Variants in SGCD observed in about 807,000 individuals in gnomAD.
SGCD encodes delta-sarcoglycan.
Under a neutral mutation model 36.6 loss-of-function variants are expected in SGCD, and 18 were observed. The observed-to-expected ratio is 0.49, with a 90% CI of 0.34 to 0.73. The LOEUF (loss-of-function observed/expected upper bound fraction) is 0.73. Among genes scored for constraint, SGCD ranks in the 30% least tolerant of loss-of-function variants. SGCD has a pLI of 0.01. For synonymous variants in SGCD, 133 were observed against 130.6 expected (o/e 1.02, Z -0.12); for missense variants, 387 against 346.7 (o/e 1.12, Z -0.92).
intron 3 of SGCD, among the ~76,000 whole-genome samples, chr5:156,148,207 A>T (rs749924564): frequency 6.6e-6 from 1 of 152,226 alleles, no homozygotes; most frequent in Non-Finnish European, 1.5e-5. Context: ...TCATGTTTCA[A>T]ATAAAAAGTA....
intron 1 of SGCD, among the ~76,000 whole-genome samples, chr5:155,888,353 G>A (rs1316092296): frequency 6.6e-6 from 1 of 152,132 alleles, no homozygotes; most frequent in Non-Finnish European, 1.5e-5. Flanking sequence ...CTGCTGTCCA[G>A]TATTCTCATG....
intron 7 of SGCD, among the ~76,000 whole-genome samples, chr5:156,748,167 A>T (rs1439719180): frequency 3.9e-5 from 6 of 152,214 alleles, no homozygotes; most frequent in Admixed American, 2.6e-4. Flanking sequence ...AAAAACAAGC[A>T]AGATTTATCT....
At chr5:156,310,749 G>C (rs1767371905) in intron 3 of SGCD, among the ~76,000 whole-genome samples, 2 of 152,168 alleles carry the variant, frequency 1.3e-5, no homozygotes, top group Admixed American at 1.3e-4. Flanking sequence ...ATATGTTTCA[G>C]ACACTTACTA....
intron 3 of SGCD, among the ~76,000 whole-genome samples, chr5:156,320,049 C>A (rs975353338): frequency 3.3e-5 from 5 of 151,414 alleles, no homozygotes; most frequent in Non-Finnish European, 5.9e-5. Context: ...AAAGATAAAT[C>A]ATTTGAAATG....
At chr5:155,829,359 A>T in the SGCD span, among the ~76,000 whole-genome samples, 1 of 149,732 alleles carries the variant, frequency 6.7e-6, no homozygotes, top group Non-Finnish European at 1.5e-5. Flanking sequence ...AAGTTTTAAG[A>T]TACCTTCTTT....
At chr5:156,750,545 G>T (rs925526025) in intron 7 of SGCD, among the ~76,000 whole-genome samples, 3 of 151,874 alleles carry the variant, frequency 2.0e-5, no homozygotes, top group South Asian at 2.1e-4. Flanking sequence ...AGGTGTGGTG[G>T]TGGGCACCTG....
intron 1 of SGCD, among the ~76,000 whole-genome samples, chr5:156,111,123 G>A (rs6874980): frequency 0.18 from 26,678 of 152,152 alleles, 3,805 homozygotes; most frequent in East Asian, 0.46. Flanking sequence ...GAGAGGAGGT[G>A]CTCAGAGAAA....
the SGCD span, among the ~76,000 whole-genome samples, chr5:155,861,799 A>C: frequency 0.064 from 9,692 of 152,292 alleles, 363 homozygotes; most frequent in Middle Eastern, 0.14. Flanking sequence ...CTTATTTGAA[A>C]TTCCGTGGGG....
chr5:156,243,874 C>A (rs1765366331), intron 3 of SGCD, among the ~76,000 whole-genome samples: 1 of 152,174 alleles, frequency 6.6e-6, no homozygotes. Context: ...AAATGTATTA[C>A]AACCCAGTGA....
At chr5:156,129,665 A>G (rs1762263412) in intron 3 of SGCD, among the ~76,000 whole-genome samples, 1 of 152,060 alleles carries the variant, frequency 6.6e-6, no homozygotes, top group South Asian at 2.1e-4. Flanking sequence ...AGTACACACC[A>G]GTGTCTGTTG....
At chr5:156,171,579 G>A (rs1763348581) in intron 3 of SGCD, among the ~76,000 whole-genome samples, 1 of 152,092 alleles carries the variant, frequency 6.6e-6, no homozygotes, top group Non-Finnish European at 1.5e-5. Context: ...TTAGTTAAAA[G>A]GTATTGTGCA....
chr5:155,836,389 T>C, the SGCD span, among the ~76,000 whole-genome samples: 5 of 152,186 alleles, frequency 3.3e-5, no homozygotes, highest in Admixed American at 6.5e-5. Context: ...CTTCCTTTTT[T>C]ATTCTGCAAA....
chr5:155,764,784 G>A, the SGCD span, among the ~76,000 whole-genome samples: 1 of 152,106 alleles, frequency 6.6e-6, no homozygotes, highest in African/African-American at 2.4e-5. Flanking sequence ...GTTGAGTTGG[G>A]AAATGAACAA....
chr5:156,520,801 A>T (rs1404716757), intron 4 of SGCD, among the ~76,000 whole-genome samples: 1 of 152,072 alleles, frequency 6.6e-6, no homozygotes, highest in Non-Finnish European at 1.5e-5. Context: ...GTGGATCACG[A>T]GGTCAGGAGA....
the SGCD span, among the ~76,000 whole-genome samples, chr5:155,850,000 A>G: frequency 5.9e-5 from 9 of 152,318 alleles, 1 homozygote; most frequent in African/African-American, 2.2e-4. Context: ...ATCATTTGCT[A>G]TATAAATATC....
intron 6 of SGCD, among the ~76,000 whole-genome samples, chr5:156,618,084 C>T (rs886558868): frequency 2.0e-5 from 3 of 152,140 alleles, no homozygotes; most frequent in Admixed American, 6.5e-5. Flanking sequence ...AGTATTTCAT[C>T]AGTACGCAGA....
At chr5:156,135,527 A>G (rs969231966) in intron 3 of SGCD, among the ~76,000 whole-genome samples, 20 of 152,220 alleles carry the variant, frequency 1.3e-4, no homozygotes, top group African/African-American at 2.4e-5. Context: ...TGATACCAGC[A>G]TGGAAACCTA....
intron 4 of SGCD, among the ~76,000 whole-genome samples, chr5:156,543,746 T>C (rs1338136299): frequency 6.6e-6 from 1 of 152,212 alleles, no homozygotes; most frequent in Non-Finnish European, 1.5e-5. Flanking sequence ...AGAAATAGCC[T>C]TTGATCCTCC....
At chr5:155,959,769 C>G (rs939742307) in intron 1 of SGCD, among the ~76,000 whole-genome samples, 18 of 152,060 alleles carry the variant, frequency 1.2e-4, no homozygotes, top group African/African-American at 4.1e-4. Context: ...AGCCAATATG[C>G]TAAGTACCAT....
Sources: gnomAD v4.1 joint callset for allele counts (sites outside exome capture counted in the v4.1 genomes callset) on GRCh38, gnomAD v4.1.1 for gene constraint, MANE v1.5 for transcripts, NCBI Gene and HGNC (gene_info 2026-07-23, HGNC 2026-07-21) for gene names.